The following FRMD6 variants were observed in gnomAD, a reference collection of about 807,000 sequenced individuals.
The protein encoded by FRMD6 is FERM domain containing 6, also known as FERM domain-containing protein 6.
FRMD6 carries 37 observed loss-of-function variants against 73.2 expected under a neutral mutation model. The observed-to-expected ratio is 0.51, with a 90% CI of 0.39 to 0.66. The LOEUF (loss-of-function observed/expected upper bound fraction) is 0.66. Among genes scored for constraint, FRMD6 ranks in the 30% least tolerant of loss-of-function variants. The pLI, the probability that FRMD6 is intolerant of heterozygous loss-of-function variation, is 0.00. For missense variants in FRMD6, 714 were observed against 780.5 expected, an observed-to-expected ratio of 0.91 and a Z score of 1.02; for synonymous variants, 273 against 282.2, an observed-to-expected ratio of 0.97 and a Z score of 0.33.
the FRMD6 span, among the ~76,000 whole-genome samples, chr14:51,428,201 A>G: frequency 1.3e-5 from 2 of 152,198 alleles, no homozygotes; most frequent in African/African-American, 4.8e-5. Context: ...TTCCTAGGTC[A>G]GTGATTCCAA....
chr14:51,559,408 C>A (rs1424154304), intron 1 of FRMD6, among the ~76,000 whole-genome samples: 18 of 151,930 alleles, frequency 1.2e-4, no homozygotes, highest in Admixed American at 1.1e-3. Flanking sequence ...CAAGCAGATT[C>A]TTTGGTCCTA....
intron 13 of FRMD6, among the ~76,000 whole-genome samples, chr14:51,726,541 T>A (rs755610711): frequency 1.8e-4 from 27 of 152,196 alleles, no homozygotes; most frequent in Non-Finnish European, 3.1e-4. Context: ...TCCTCTTTCC[T>A]CCCTTTTTTC....
At chr14:51,569,768 C>T (rs750437126) in intron 1 of FRMD6, among the ~76,000 whole-genome samples, 3 of 151,178 alleles carry the variant, frequency 2.0e-5, no homozygotes, top group African/African-American at 4.9e-5. Flanking sequence ...TCCCAAAGAG[C>T]TGAGATTACA....
At chr14:51,611,444 G>A (rs887391666) in intron 2 of FRMD6, among the ~76,000 whole-genome samples, 1 of 152,118 alleles carries the variant, frequency 6.6e-6, no homozygotes, top group African/African-American at 2.4e-5. Flanking sequence ...TGATGCATGG[G>A]TCCCACCTCT....
At chr14:51,496,091 C>G (rs1883274459) in intron 1 of FRMD6, among the ~76,000 whole-genome samples, 2 of 152,170 alleles carry the variant, frequency 1.3e-5, no homozygotes, top group South Asian at 4.1e-4. Flanking sequence ...ACTCATTCCT[C>G]TCTCACACTC....
At chr14:51,410,893 A>G in the FRMD6 span, among the ~76,000 whole-genome samples, 1 of 152,234 alleles carries the variant, frequency 6.6e-6, no homozygotes, top group East Asian at 1.9e-4. Context: ...AAAACTGAAC[A>G]GTATTTTGTT....
At chr14:51,727,427 A>G (rs1453552470) in intron 13 of FRMD6, among the ~76,000 whole-genome samples, 4 of 152,088 alleles carry the variant, frequency 2.6e-5, no homozygotes. Context: ...TGTGCTTTGG[A>G]TTATTTGTAA....
chr14:51,599,444 T>C (rs1397491357), intron 2 of FRMD6, among the ~76,000 whole-genome samples: 1 of 152,284 alleles, frequency 6.6e-6, no homozygotes, highest in South Asian at 2.1e-4. Flanking sequence ...AAAGAATTTA[T>C]GACTAAGTTC....
chr14:51,523,818 T>C (rs950644775), intron 1 of FRMD6, among the ~76,000 whole-genome samples: 1 of 152,208 alleles, frequency 6.6e-6, no homozygotes, highest in South Asian at 2.1e-4. Context: ...GCAGATTTAT[T>C]AAAGCATTCT....
intron 1 of FRMD6, among the ~76,000 whole-genome samples, chr14:51,679,292 A>G (rs1424659613): frequency 3.2e-4 from 1 of 3,152 alleles, no homozygotes; most frequent in Non-Finnish European, 9.6e-3. Flanking sequence ...ATATAAAAAT[A>G]TACACACGTG....
intron 2 of FRMD6, among the ~76,000 whole-genome samples, chr14:51,691,304 A>G (rs764277639): frequency 6.6e-6 from 1 of 152,198 alleles, no homozygotes; most frequent in African/African-American, 2.4e-5. Context: ...TGTTATGAAC[A>G]TGTTATGTGT....
At chr14:51,427,953 A>G in the FRMD6 span, among the ~76,000 whole-genome samples, 2 of 152,238 alleles carry the variant, frequency 1.3e-5, no homozygotes, top group African/African-American at 4.8e-5. Context: ...TTCACAAAAT[A>G]TAACTACATT....
chr14:51,596,248 G>GGTGT (rs3060588), intron 2 of FRMD6, among the ~76,000 whole-genome samples: 11,854 of 147,430 alleles, frequency 0.08, 686 homozygotes, highest in African/African-American at 0.16. Flanking sequence ...AGGAGAGCCT[G>GGTGT]GTGTGTGTGT....
chr14:51,604,764 A>G (rs1890178490), intron 2 of FRMD6, among the ~76,000 whole-genome samples: 1 of 152,046 alleles, frequency 6.6e-6, no homozygotes, highest in Non-Finnish European at 1.5e-5. Context: ...AGGGAATACT[A>G]ACTACTCCAA....
intron 2 of FRMD6, among the ~76,000 whole-genome samples, chr14:51,615,403 A>G (rs562137549): frequency 4.6e-5 from 7 of 152,214 alleles, no homozygotes; most frequent in Non-Finnish European, 1.0e-4. Flanking sequence ...TTGTTTATAA[A>G]TTCATCCTAA....
intron 2 of FRMD6, among the ~76,000 whole-genome samples, chr14:51,628,357 A>G (rs1257676006): frequency 6.6e-6 from 1 of 152,186 alleles, no homozygotes; most frequent in East Asian, 1.9e-4. Context: ...TAATTTAATG[A>G]CTTTTTAGTA....
At chr14:51,704,610 T>C in intron 5 of FRMD6, 139 bp from the exon 6 acceptor site, 1 of 676,662 alleles carries the variant, frequency 1.5e-6, no homozygotes, top group Non-Finnish European at 2.4e-6. Context: ...TACAACCGCT[T>C]CCTTTTCAGT....
intron 1 of FRMD6, among the ~76,000 whole-genome samples, chr14:51,666,526 A>G (rs1169952546): frequency 1.3e-5 from 2 of 152,200 alleles, no homozygotes; most frequent in South Asian, 2.1e-4. Flanking sequence ...GGGCAGTCTG[A>G]TCTGGTCTAG....
chr14:51,403,695 C>A, the FRMD6 span, among the ~76,000 whole-genome samples: 1 of 152,180 alleles, frequency 6.6e-6, no homozygotes, highest in Non-Finnish European at 1.5e-5. Context: ...AGCCACCATG[C>A]CCAGTCTTGC....
Sources: allele counts gnomAD v4.1 joint callset (sites outside exome capture counted in the v4.1 genomes callset), GRCh38; gene constraint gnomAD v4.1.1; transcripts MANE v1.5; gene names NCBI Gene and HGNC (gene_info 2026-07-23, HGNC 2026-07-21).